The following GMPR2 variants were observed in gnomAD, a reference collection of about 807,000 sequenced individuals.
GMPR2 encodes the protein GMP reductase 2.
In GMPR2, 32 loss-of-function variants were observed where a neutral mutation model predicts 38.5. The observed-to-expected ratio is 0.83, with a 90% CI of 0.63 to 1.12. The LOEUF (loss-of-function observed/expected upper bound fraction) is 1.12. Among genes scored for constraint, GMPR2 ranks in the 50% most tolerant of loss-of-function variants. The pLI is 0.00. For missense variants in GMPR2, 396 were observed against 432.1 expected (o/e 0.92, Z 0.74); for synonymous variants, 154 against 151.0 (o/e 1.02, Z -0.15).
At chr14:24,233,642 C>T in intron 3 of GMPR2, 44 bp downstream of exon 3, 1 of 1,610,666 alleles carries the variant, frequency 6.2e-7, no homozygotes, top group South Asian at 1.1e-5. Context: ...GTCCAGTTAG[C>T]CCAGCTGACT....
chr14:24,237,969 C>T (rs919749574), intron 8 of GMPR2: 10 of 470,930 alleles, frequency 2.1e-5, no homozygotes, highest in African/African-American at 7.8e-5. Context: ...ATCAAATGAC[C>T]AGACGATGAT....
intron 6 of GMPR2, 44 bp from the exon 7 acceptor site, chr14:24,237,201 A>G: frequency 6.5e-7 from 1 of 1,546,080 alleles, no homozygotes; most frequent in Non-Finnish European, 8.9e-7. Flanking sequence ...AGTGGCAAAC[A>G]CCTGTGGAGC....
chr14:24,236,211 C>A, intron 5 of GMPR2, 71 bp downstream of exon 5: 1 of 1,058,708 alleles, frequency 9.4e-7, no homozygotes, highest in Admixed American at 1.8e-5. Context: ...CTACATCAGT[C>A]CATTTCTCCT....
chr14:24,238,254 G>A lies in GMPR2; in HGVS notation c.706G>A (p.Ala236Thr). 6.2e-7 allele frequency: 1 copy of A among 1,610,990 alleles called. No homozygotes were observed. The highest frequency in any genetic ancestry group is 8.5e-7 in the Non-Finnish European group (1 of 1,178,068). ...CTCCATGATGGTGGCAGGGGCAGGA[G>A]CTGACTTCGTGATGCTGGGTGGCAT... The part of the protein sequence containing the change: ...GDVAKAFGAG[A>T]DFVMLGGMLA... Residue 236 changes from alanine to threonine, a missense_variant, in exon 9 of 10, where the codon GCT becomes ACT. Coordinates refer to ENST00000399440, the MANE Select transcript of GMPR2 (RefSeq NM_001002002.3).
chr14:24,233,813 A>G, intron 3 of GMPR2: 1 of 629,400 alleles, frequency 1.6e-6, no homozygotes, highest in Non-Finnish European at 2.8e-6. Context: ...TTCTGCTCCG[A>G]TATTTCTGAT....
At position 24,238,342 on chromosome 14, in the gene GMPR2, T is replaced by C. The variant is rs1212030936; in HGVS notation, c.794T>C (p.Leu265Pro). The change falls in exon 9 of 10, where the codon CTC (leucine) becomes CCC (proline). Residue 265 changes from leucine to proline, a missense_variant. Leu to Pro is a moderately conservative substitution (Grantham distance 98, BLOSUM62 -3). Transcript: ENST00000399440. ...LIERDGKKYK[L>P]FYGMSSEMAM... ...GAGAGGGATGGCAAGAAGTACAAGC[T>C]CTTCTATGGAATGAGTTCTGAAATG... 2 of 1,614,008 alleles carry C rather than the reference T, an allele frequency of 1.2e-6. No homozygotes were observed. Among genetic ancestry groups the C allele is most frequent in the South Asian group, 2.2e-5 (2 of 91,080 alleles).
intron 5 of GMPR2, 102 bp from the exon 6 acceptor site, chr14:24,236,969 T>A (rs1013616556): frequency 1.1e-6 from 1 of 915,028 alleles, no homozygotes; most frequent in African/African-American, 1.6e-5. Context: ...TTATCCTTTC[T>A]TTGTAATAAT....
intron 3 of GMPR2, chr14:24,235,339 C>T (rs1377847937): frequency 1.4e-5 from 3 of 207,440 alleles, no homozygotes; most frequent in African/African-American, 2.3e-5. Flanking sequence ...TAGTTTAGTA[C>T]TAGGTTACCT....
At position 24,233,605 on chromosome 14, in the gene GMPR2, CT is replaced by C. The variant is rs1234465001; in HGVS notation, c.207+10del. On this transcript the variant is annotated splice_region_variant and intron_variant, in intron 3 of 9. Coordinates refer to ENST00000399440, the MANE Select transcript of GMPR2 (RefSeq NM_001002002.3). ...GGCCAAGGTTCTCTGTAAGGTAGGG[CT>C]TTCCTCATGCCCCATCCCTATTGGT... The C allele has an allele frequency of 6.2e-7, 1 of 1,614,132 alleles. No individual in the cohort carries two copies. Among genetic ancestry groups the C allele is most frequent in the Admixed American group, 1.7e-5 (1 of 60,018 alleles).
chr14:24,232,633 C>G (rs990077597), upstream of GMPR2: 3 of 319,344 alleles, frequency 9.4e-6, no homozygotes, highest in Admixed American at 1.4e-4. Context: ...TAGTCTAACC[C>G]CCTCGGATCC....
intron 8 of GMPR2, 86 bp downstream of exon 8, chr14:24,237,648 C>T: frequency 2.6e-6 from 3 of 1,172,588 alleles, no homozygotes; most frequent in East Asian, 2.3e-5. Flanking sequence ...AAGAGAGGCT[C>T]AGGAAGTCAT....
At position 24,238,338 on chromosome 14, in the gene GMPR2, A is replaced by G; in HGVS notation, c.790A>G (p.Lys264Glu). The change falls in exon 9 of 10, where the codon AAG (lysine) becomes GAG (glutamate). Residue 264 changes from lysine (K) to glutamate (E), a missense_variant. Coordinates refer to ENST00000399440, the MANE Select transcript of GMPR2 (RefSeq NM_001002002.3). Reference protein sequence around the residue: ...ELIERDGKKYKLFYGMSSEMA... With the variant: ...ELIERDGKKYELFYGMSSEMA... ...CATCGAGAGGGATGGCAAGAAGTAC[A>G]AGCTCTTCTATGGAATGAGTTCTGA... The G allele has an allele frequency of 6.2e-7, 1 of 1,614,104 alleles. No individual in the cohort carries two copies. The highest frequency in any genetic ancestry group is 8.5e-7 in the Non-Finnish European group (1 of 1,179,994).
chr14:24,232,720 T>C (rs1047273354), upstream of GMPR2: 1 of 222,646 alleles, frequency 4.5e-6, no homozygotes, highest in African/African-American at 2.3e-5. Flanking sequence ...ATTCGTCGGC[T>C]AGTAGTTCTC....
Position 24,237,566 on chromosome 14 carries a change from A to C in GMPR2, c.697+4A>C, listed in dbSNP as rs770342828. ...GGGGATGTGGCCAAGGCTTTTGGTA[A>C]GGAGCTTGAGGGCACAGAAGGATGA... On this transcript the variant is annotated splice_donor_region_variant and intron_variant, in intron 8 of 9. Coordinates refer to ENST00000399440, the MANE Select transcript of GMPR2 (RefSeq NM_001002002.3). 6.2e-7 allele frequency: 1 copy of C among 1,613,138 alleles called. No individual in the cohort carries two copies. The highest frequency in any genetic ancestry group is 1.1e-5 in the South Asian group (1 of 91,066).
rs1035086509 is a variant in GMPR2 at position 24,239,006 on chromosome 14, G to C, written c.*228G>C. 13 of 623,198 alleles carry C rather than the reference G, an allele frequency of 2.1e-5. No homozygotes were observed. In the East Asian group the frequency reaches 4.3e-4, roughly 21 times the overall value. The allele number at this position is 623,198 out of a possible 1,614,324, so 38.6% of individuals were successfully genotyped here. On this transcript the variant is annotated 3_prime_UTR_variant, in exon 10 of 10. Coordinates refer to ENST00000399440, the MANE Select transcript of GMPR2 (RefSeq NM_001002002.3). ...GAAGCAAACAGTCTGAGAAAATGAT[G>C]CAAGAAAATCAAATGGGAATCTGGG... is the stretch of plus-strand genomic sequence containing the variant.
chr14:24,233,874 C>A, intron 3 of GMPR2: 1 of 541,220 alleles, frequency 1.8e-6, no homozygotes, highest in Non-Finnish European at 3.3e-6. Flanking sequence ...GTACACCTTG[C>A]CAACTTTTCC....
Position 24,238,600 on chromosome 14 carries a change from GAA to G in GMPR2, c.871_872del (p.Lys291AspfsTer7). ...TTTCCTACTTTAAGAGCCTCAGAGG[GAA>G]AGACAGTGGAAGTTCCTTTTAAAGG... is the stretch of plus-strand genomic sequence containing the variant. On this transcript the variant is annotated frameshift_variant, in exon 10 of 10. Coordinates refer to ENST00000399440, the MANE Select transcript of GMPR2 (RefSeq NM_001002002.3). LOFTEE classifies it high-confidence loss of function. The G allele has an allele frequency of 6.2e-7, 1 of 1,614,148 alleles. No homozygotes were observed. Among genetic ancestry groups the G allele is most frequent in the Non-Finnish European group, 8.5e-7 (1 of 1,180,006 alleles).
At chr14:24,234,962 T>C (rs2040266814) in intron 3 of GMPR2, among the ~76,000 whole-genome samples, 1 of 152,242 alleles carries the variant, frequency 6.6e-6, no homozygotes, top group Non-Finnish European at 1.5e-5. Context: ...AGATTTGTGC[T>C]GTTTCAGCCA....
upstream of GMPR2, chr14:24,232,878 G>A: frequency 5.4e-6 from 2 of 367,134 alleles, no homozygotes; most frequent in South Asian, 6.4e-5. Flanking sequence ...AACTAGTTAT[G>A]AACCCTCCCC....
Sources: allele counts gnomAD v4.1 joint callset (sites outside exome capture counted in the v4.1 genomes callset), GRCh38; gene constraint gnomAD v4.1.1; transcripts MANE v1.5; gene names NCBI Gene and HGNC (gene_info 2026-07-23, HGNC 2026-07-21).